FOXP2: variants seen among roughly 807,000 people sequenced by gnomAD.
FOXP2 encodes the protein forkhead box protein P2.
Under a neutral mutation model 115.8 loss-of-function variants are expected in FOXP2, and 12 were observed. The ratio of observed to expected loss-of-function variants is 0.10; its 90% CI spans 0.07 to 0.17. FOXP2 has a LOEUF of 0.17. FOXP2 is among the 10% of genes least tolerant of loss of function. The probability of loss-of-function intolerance (pLI) is 1.00; values close to 1 mark genes in which losing one functional copy is unlikely to be tolerated. For synonymous variants in FOXP2, 328 were observed against 297.7 expected (o/e 1.10, Z -1.05); for missense variants, 629 against 843.5 (o/e 0.75, Z 3.15).
At chr7:114,145,486 C>A (rs1438163735) in intron 1 of FOXP2, among the ~76,000 whole-genome samples, 7 of 120,416 alleles carry the variant, frequency 5.8e-5, no homozygotes, top group African/African-American at 2.2e-4. Context: ...CTTTTCTTTT[C>A]TTTTCTTTTC....
At chr7:114,639,960 A>G (rs1294357528) in intron 6 of FOXP2, among the ~76,000 whole-genome samples, 2 of 152,166 alleles carry the variant, frequency 1.3e-5, no homozygotes, top group Admixed American at 1.3e-4. Context: ...TATAGAGAGA[A>G]TACTTGGATA....
intron 2 of FOXP2, among the ~76,000 whole-genome samples, chr7:114,365,058 A>C (rs1219133019): frequency 1.3e-5 from 2 of 152,180 alleles, no homozygotes; most frequent in South Asian, 2.1e-4. Flanking sequence ...ATGCTGTATC[A>C]TGTAATTAAT....
At chr7:114,505,485 T>A (rs2129255712) in intron 2 of FOXP2, among the ~76,000 whole-genome samples, 1 of 151,612 alleles carries the variant, frequency 6.6e-6, no homozygotes, top group Admixed American at 6.6e-5. Context: ...TAATTTTATA[T>A]GCATATTTAT....
chr7:114,280,969 T>G (rs1156576782), intron 1 of FOXP2, among the ~76,000 whole-genome samples: 1 of 152,160 alleles, frequency 6.6e-6, no homozygotes, highest in Admixed American at 6.6e-5. Context: ...TAACCTGTCC[T>G]TAAGCATAGT....
chr7:114,511,486 G>C (rs1798071848), intron 2 of FOXP2, among the ~76,000 whole-genome samples: 1 of 152,168 alleles, frequency 6.6e-6, no homozygotes, highest in Non-Finnish European at 1.5e-5. Context: ...GCATCAGTGA[G>C]TGTGAGCATT....
chr7:114,664,740 A>G (rs915508695), intron 16 of FOXP2: 2 of 391,756 alleles, frequency 5.1e-6, no homozygotes, highest in Non-Finnish European at 9.6e-6. Context: ...GGTCATTATC[A>G]CAGGTTGGTT....
chr7:114,272,058 TA>T (rs1226742476), intron 1 of FOXP2, among the ~76,000 whole-genome samples: 1 of 142,356 alleles, frequency 7.0e-6, no homozygotes, highest in Non-Finnish European at 1.5e-5. Flanking sequence ...TATAAATATA[TA>T]AAATATATAA....
chr7:114,515,693 C>A (rs1584835317), intron 2 of FOXP2, among the ~76,000 whole-genome samples: 1 of 151,872 alleles, frequency 6.6e-6, no homozygotes, highest in East Asian at 1.9e-4. Context: ...ATGGTAGTTT[C>A]TTTTGCTGTG....
Position 114,548,434 on chromosome 7 carries a change from A to G in FOXP2, c.258+13728A>G, listed in dbSNP as rs77501315. Among the ~76,000 whole-genome samples the G allele has an allele frequency of 4.3e-3, 649 of 152,306 alleles. 8 individuals carry two copies. Among genetic ancestry groups the G allele is most frequent in the African/African-American group, 0.015 (613 of 41,564 alleles). ...ATGAATTTTGGGCCAACATCTAGCA[A>G]CTTCTGCAACCAATAGTTTACCAAA... On this transcript the variant is annotated intron_variant, in intron 3 of 16. Transcript: ENST00000350908.
chr7:114,096,139 CTTTGT>C (rs1465187543), intron 1 of FOXP2, among the ~76,000 whole-genome samples: 1 of 152,170 alleles, frequency 6.6e-6, no homozygotes, highest in Non-Finnish European at 1.5e-5. Context: ...AGGCGACTTT[CTTTGT>C]CACCATCAGC....
chr7:114,400,913 G>A lies in FOXP2; in HGVS notation c.-10-25589G>A, dbSNP rs559288254. Among the ~76,000 whole-genome samples, 355 of 152,108 alleles carry A rather than the reference G, an allele frequency of 2.3e-3. 1 individual carries two copies. The highest frequency in any genetic ancestry group is 3.2e-3 in the Non-Finnish European group (215 of 67,984). ...TTGGGCTCAAGTCTGATTACAGCAT[G>A]GGCAAATGGGAATTTATAATCAAGG... On this transcript the variant is annotated intron_variant, in intron 2 of 17. Transcript: ENST00000634411.
At chr7:114,512,309 C>T (rs370079612) in intron 2 of FOXP2, among the ~76,000 whole-genome samples, 4 of 152,192 alleles carry the variant, frequency 2.6e-5, no homozygotes, top group Admixed American at 6.5e-5. Flanking sequence ...TACATACAAT[C>T]ATTTCTATGC....
At chr7:114,281,253 T>C (rs1191411552) in intron 1 of FOXP2, among the ~76,000 whole-genome samples, 1 of 151,514 alleles carries the variant, frequency 6.6e-6, no homozygotes, top group Admixed American at 6.6e-5. Flanking sequence ...AGGTGCCTGC[T>C]ACCATGCCCG....
intron 1 of FOXP2, among the ~76,000 whole-genome samples, chr7:114,242,400 TC>T (rs1243656828): frequency 6.6e-6 from 1 of 152,082 alleles, no homozygotes; most frequent in Admixed American, 6.6e-5. Flanking sequence ...GTCTCTGTCA[TC>T]CCCATCTCCA....
chr7:114,676,139 G>T (rs1807751093), intron 16 of FOXP2, among the ~76,000 whole-genome samples: 1 of 138,166 alleles, frequency 7.2e-6, no homozygotes, highest in Admixed American at 8.1e-5. Flanking sequence ...TTGTTGGCCA[G>T]TCTGGTCTCG....
intron 1 of FOXP2, among the ~76,000 whole-genome samples, chr7:114,094,709 T>C (rs1233026140): frequency 6.6e-6 from 1 of 152,192 alleles, no homozygotes; most frequent in Non-Finnish European, 1.5e-5. Flanking sequence ...TTGACCAGGC[T>C]GGAGTGCAGT....
At chr7:114,143,000 T>C (rs1053685511) in intron 1 of FOXP2, among the ~76,000 whole-genome samples, 2 of 151,702 alleles carry the variant, frequency 1.3e-5, no homozygotes, top group Non-Finnish European at 2.9e-5. Context: ...TATAAAAAAT[T>C]AGTCAGGCAT....
At chr7:114,226,861 G>C (rs983239639) in intron 1 of FOXP2, among the ~76,000 whole-genome samples, 1 of 151,684 alleles carries the variant, frequency 6.6e-6, no homozygotes, top group African/African-American at 2.4e-5. Context: ...ATTGATTTTT[G>C]CTTGACTCAA....
chr7:114,247,562 C>T (rs1371987079), intron 1 of FOXP2, among the ~76,000 whole-genome samples: 2 of 152,128 alleles, frequency 1.3e-5, no homozygotes, highest in Non-Finnish European at 2.9e-5. Context: ...ATTTGTCTAA[C>T]TGGCACATGG....
Sources: gnomAD v4.1 joint callset for allele counts (sites outside exome capture counted in the v4.1 genomes callset) on GRCh38, gnomAD v4.1.1 for gene constraint, MANE v1.5 for transcripts, NCBI Gene and HGNC (gene_info 2026-07-23, HGNC 2026-07-21) for gene names.